Variants in SERBP1 observed in about 807,000 individuals in gnomAD.
The protein encoded by SERBP1 is SERPINE1 mRNA-binding protein 1.
Under a neutral mutation model 50.2 loss-of-function variants are expected in SERBP1, and 6 were observed. That is an observed-to-expected ratio of 0.12 (90% CI 0.07 to 0.24). The LOEUF (loss-of-function observed/expected upper bound fraction) is 0.24, where lower values mean the gene tolerates loss of function less well. Among genes scored for constraint, SERBP1 ranks in the 10% least tolerant of loss-of-function variants. SERBP1 has a pLI of 1.00. For missense variants in SERBP1, 346 were observed against 524.9 expected, an observed-to-expected ratio of 0.66 and a Z score of 3.33; for synonymous variants, 168 against 182.8, an observed-to-expected ratio of 0.92 and a Z score of 0.65.
chr1:67,415,363 T>C, intron 6 of SERBP1, 24 bp from the exon 7 acceptor site: 1 of 1,532,440 alleles, frequency 6.5e-7, no homozygotes, highest in Non-Finnish European at 8.8e-7. Context: ...TGAAGATGAT[T>C]GTGTTATTAG....
At chr1:67,421,581 T>C (rs966347898) in intron 5 of SERBP1, among the ~76,000 whole-genome samples, 6 of 152,250 alleles carry the variant, frequency 3.9e-5, no homozygotes, top group African/African-American at 1.4e-4. Context: ...TTGCTACCAA[T>C]AGCCTATCAA....
intron 5 of SERBP1, among the ~76,000 whole-genome samples, chr1:67,422,803 T>C (rs1667242635): frequency 6.7e-6 from 1 of 148,336 alleles, no homozygotes; most frequent in African/African-American, 2.5e-5. Flanking sequence ...CTACTAAAAA[T>C]ACAAAAAATT....
chr1:67,426,306 G>C, intron 1 of SERBP1, 21 bp from the exon 2 acceptor site: 2 of 1,550,170 alleles, frequency 1.3e-6, no homozygotes, highest in Non-Finnish European at 1.7e-6. Context: ...AAGATAACCT[G>C]CATAAGCAAA....
In SERBP1 at chr1:67,409,432, CCAG is replaced by C. The variant is rs1463748478; in HGVS notation, c.*3772_*3774del. The stretch of plus-strand genomic sequence containing the variant: ...ACACACACACACACCCCCACACACA[CCAG>C]GTCACAGGCTGAACTTTGCTGACCC... On this transcript the variant is annotated 3_prime_UTR_variant, in exon 8 of 8. Coordinates refer to ENST00000361219, the MANE Select transcript of SERBP1 (RefSeq NM_001018069.2). 8 of 148,196 alleles carry C rather than the reference CCAG, an allele frequency of 5.4e-5. No homozygotes were observed. The highest frequency in any genetic ancestry group is 1.2e-4 in the Non-Finnish European group (8 of 67,486). 9.2% of individuals were successfully genotyped at this position (148,196 alleles called of 1,614,324 possible).
At position 67,426,177 on chromosome 1, in the gene SERBP1, G is replaced by A; in HGVS notation, c.422C>T (p.Pro141Leu). 6.2e-7 allele frequency: 1 copy of A among 1,607,756 alleles called. No homozygotes were observed. Among genetic ancestry groups the A allele is most frequent in the Non-Finnish European group, 8.5e-7 (1 of 1,177,732 alleles). ...GCCTCCTTCACCCTTTTCTTCAAGT[G>A]GCTTTTCGAATCTTCGTTCACGAGG... ...RPPRERRFEK[P>L]LEEKGEGGEF... Residue 141 changes from proline (P) to leucine (L), a missense_variant, in exon 2 of 8, where the codon CCA becomes CTA. Physicochemically the swap from Pro to Leu is moderately conservative, Grantham distance 98. Coordinates refer to ENST00000361219, the MANE Select transcript of SERBP1 (RefSeq NM_001018069.2).
chr1:67,424,927 C>A lies in SERBP1; in HGVS notation c.656G>T (p.Ser219Ile). The change falls in exon 4 of 8, where the codon AGC (serine) becomes ATC (isoleucine). Residue 219 changes from serine (S) to isoleucine (I), a missense_variant. By Grantham distance (142) the Ser-to-Ile change is moderately radical (BLOSUM62 -2). This residue lies in a region of SERBP1 where 257 missense variants were observed against 331.2 expected (regional missense o/e 0.78). Transcript: ENST00000361219. ...GACAGTTCCCCAGTTGTGAGATCCG[C>A]TACCTCCACGTTTGTCCTCGTGCTT... ...GLKHEDKRGGSGSHNWGTVKD... is the reference protein window; with the variant it reads ...GLKHEDKRGGIGSHNWGTVKD... 2 of 1,612,680 alleles carry A rather than the reference C, an allele frequency of 1.2e-6. No individual in the cohort carries two copies.
At position 67,412,608 on chromosome 1, in the gene SERBP1, T is replaced by C. The variant is rs562434997; in HGVS notation, c.*599A>G. On this transcript the variant is annotated 3_prime_UTR_variant, in exon 8 of 8. Coordinates refer to ENST00000361219, the MANE Select transcript of SERBP1 (RefSeq NM_001018069.2). ...TTTCTGTATATAAAGATTTAGCATATATATATAACAGCTATCATGAGAAGT... is the reference window on the plus strand; with the variant it reads ...TTTCTGTATATAAAGATTTAGCATACATATATAACAGCTATCATGAGAAGT... 1 of 152,796 alleles carries C rather than the reference T, an allele frequency of 6.5e-6. No individual in the cohort carries two copies. The highest frequency in any genetic ancestry group is 1.9e-4 in the East Asian group (1 of 5,192). The allele number at this position is 152,796 out of a possible 1,614,324, so 9.5% of individuals were successfully genotyped here.
intron 6 of SERBP1, among the ~76,000 whole-genome samples, chr1:67,415,890 G>A (rs372192561): frequency 6.6e-6 from 1 of 151,688 alleles, no homozygotes; most frequent in Non-Finnish European, 1.5e-5. Flanking sequence ...CAACCACTAC[G>A]TTTTTCTACA....
chr1:67,411,621 A>G lies in SERBP1; in HGVS notation c.*1586T>C, dbSNP rs1165712507. 6.6e-6 allele frequency: 1 copy of G among 152,218 alleles called. No homozygotes were observed. The highest frequency in any genetic ancestry group is 1.5e-5 in the Non-Finnish European group (1 of 68,030). 9.4% of individuals were successfully genotyped at this position (152,218 alleles called of 1,614,324 possible). ...TCAGAATAGTAGGTAACTGAGATTAATAAATCTTATCCAAAAAGTAACTCT... is the reference window on the plus strand; with the variant it reads ...TCAGAATAGTAGGTAACTGAGATTAGTAAATCTTATCCAAAAAGTAACTCT... On this transcript the variant is annotated 3_prime_UTR_variant, in exon 8 of 8. Transcript: ENST00000361219.
intron 5 of SERBP1, among the ~76,000 whole-genome samples, chr1:67,421,771 T>C (rs937946415): frequency 1.3e-5 from 2 of 152,100 alleles, no homozygotes; most frequent in African/African-American, 2.4e-5. Flanking sequence ...CTGGCCAACA[T>C]GGTGTAACCA....
At chr1:67,428,261 C>A (rs1010774475) in intron 1 of SERBP1, among the ~76,000 whole-genome samples, 1 of 152,204 alleles carries the variant, frequency 6.6e-6, no homozygotes, top group African/African-American at 2.4e-5. Flanking sequence ...ACTCATTGAA[C>A]GGTGAACCTA....
chr1:67,424,643 G>A (rs1173963268), intron 4 of SERBP1, among the ~76,000 whole-genome samples: 2 of 151,124 alleles, frequency 1.3e-5, no homozygotes, highest in African/African-American at 2.4e-5. Context: ...CCTTATTGTG[G>A]GGTTTCAGGA....
At chr1:67,423,302 C>T (rs992189580) in intron 5 of SERBP1, among the ~76,000 whole-genome samples, 30 of 138,828 alleles carry the variant, frequency 2.2e-4, no homozygotes, top group African/African-American at 6.0e-4. Context: ...ATCTCACACA[C>T]ACAAAAAAAA....
rs1334433002 is a variant in SERBP1 at position 67,417,982 on chromosome 1, T to TG, written c.951+2026_951+2027insC. On this transcript the variant is annotated intron_variant, in intron 6 of 7. Coordinates refer to ENST00000361219, the MANE Select transcript of SERBP1 (RefSeq NM_001018069.2). ...AAAGTTAAAGTGTTGTTTTTTTTTT[T>TG]TTTTTTTTTTTTTGAGACAGTCTTG... Among the ~76,000 whole-genome samples the TG allele has an allele frequency of 5.0e-5, 7 of 140,140 alleles. No homozygotes were observed. The East Asian group carries it at 8.2e-4, about 16-fold the overall frequency. The allele number at this position is 140,140 out of a possible 152,430, so 91.9% of individuals were successfully genotyped here.
chr1:67,429,969 C>A lies in SERBP1; in HGVS notation c.313+19G>T. The A allele has an allele frequency of 6.3e-7, 1 of 1,582,756 alleles. No homozygotes were observed. Among genetic ancestry groups the A allele is most frequent in the Non-Finnish European group, 8.6e-7 (1 of 1,164,950 alleles). On this transcript the variant is annotated intron_variant, in intron 1 of 7. Transcript: ENST00000361219. Reference sequence around the variant, plus strand: ...CTTCCCTCCATCCCAGTCTCCCCCACATTCTGCCCCTGCTTTACCTTCTTT... The same window carrying A: ...CTTCCCTCCATCCCAGTCTCCCCCAAATTCTGCCCCTGCTTTACCTTCTTT...
chr1:67,430,194 T>C lies in SERBP1; in HGVS notation c.107A>G (p.Asn36Ser), dbSNP rs762842781. The C allele has an allele frequency of 4.3e-6, 7 of 1,610,796 alleles. No homozygotes were observed. The East Asian group carries it at 1.6e-4, about 36-fold the overall frequency. ...DPFEVLKAAE[N>S]KKKEAGGGGV... is the part of the protein sequence containing the mutation. ...GCCCCCGCCGGCTTCTTTTTTCTTG[T>C]TCTCTGCTGCCTTCAGCACCTCGAA... Residue 36 changes from asparagine (N) to serine (S), a missense_variant, in exon 1 of 8, where the codon AAC (asparagine) becomes AGC (serine). Coordinates refer to ENST00000361219, the MANE Select transcript of SERBP1 (RefSeq NM_001018069.2).
At chr1:67,423,097 G>A (rs1039367466) in intron 5 of SERBP1, among the ~76,000 whole-genome samples, 6 of 140,190 alleles carry the variant, frequency 4.3e-5, no homozygotes, top group Admixed American at 1.5e-4. Flanking sequence ...GTGGATCACC[G>A]AGGTCAGGAG....
At chr1:67,419,825 A>C (rs768966303) in intron 6 of SERBP1, 184 bp downstream of exon 6, 106 of 591,000 alleles carry the variant, frequency 1.8e-4, no homozygotes, top group Admixed American at 8.9e-4. Flanking sequence ...TGATCAAAGG[A>C]CTAAATTTCT....
intron 6 of SERBP1, chr1:67,419,719 G>A: frequency 6.5e-6 from 2 of 308,458 alleles, no homozygotes; most frequent in Non-Finnish European, 1.2e-5. Context: ...ACTTTGAAAA[G>A]AACTATCATA....
Sources: gnomAD v4.1 joint callset for allele counts (sites outside exome capture counted in the v4.1 genomes callset) on GRCh38, gnomAD v4.1.1 for gene constraint, gnomAD v4.1.1 regional missense constraint, MANE v1.5 for transcripts, NCBI Gene and HGNC (gene_info 2026-07-23, HGNC 2026-07-21) for gene names.